Variants in POU2F3 observed in about 807,000 individuals in gnomAD.
POU2F3 encodes the protein POU class 2 homeobox 3, also known as POU domain, class 2, transcription factor 3.
A neutral mutation model predicts 59.2 loss-of-function variants in POU2F3; 23 were observed. That is an observed-to-expected ratio of 0.39 (90% CI 0.28 to 0.55). POU2F3 has a LOEUF of 0.55. Among genes scored for constraint, POU2F3 ranks in the 20% least tolerant of loss-of-function variants. The pLI is 0.66. For missense variants in POU2F3, 473 were observed against 544.5 expected, an observed-to-expected ratio of 0.87 and a Z score of 1.31; for synonymous variants, 190 against 214.6, an observed-to-expected ratio of 0.89 and a Z score of 1.00.
At chr11:120,297,342 T>A (rs1246229048) in intron 3 of POU2F3, among the ~76,000 whole-genome samples, 1 of 152,052 alleles carries the variant, frequency 6.6e-6, no homozygotes, top group Non-Finnish European at 1.5e-5. Flanking sequence ...CATTGCAGGG[T>A]GGTGGAGACT....
intron 3 of POU2F3, among the ~76,000 whole-genome samples, chr11:120,289,444 A>G (rs568913065): frequency 6.6e-6 from 1 of 152,172 alleles, no homozygotes; most frequent in African/African-American, 2.4e-5. Flanking sequence ...TAACTGAACT[A>G]AAACTAAAAT....
chr11:120,236,845 G>A (rs181800093), upstream of POU2F3: 117 of 777,438 alleles, frequency 1.5e-4, no homozygotes, highest in East Asian at 1.5e-3. Context: ...GGGCACCCCA[G>A]CCTTCTAAGC....
chr11:120,279,191 C>A (rs899812670), intron 3 of POU2F3, among the ~76,000 whole-genome samples: 5 of 151,806 alleles, frequency 3.3e-5, no homozygotes, highest in African/African-American at 4.8e-5. Context: ...GTTCTCCCCC[C>A]ACCACTGCCT....
At chr11:120,251,193 T>G (rs1425537810) in intron 2 of POU2F3, among the ~76,000 whole-genome samples, 1 of 152,214 alleles carries the variant, frequency 6.6e-6, no homozygotes, top group Non-Finnish European at 1.5e-5. Context: ...AAGCTGGTCT[T>G]GAACTCCTGG....
At chr11:120,299,814 G>A (rs779801011) in intron 5 of POU2F3, 88 bp downstream of exon 5, 19 of 1,122,476 alleles carry the variant, frequency 1.7e-5, no homozygotes, top group Non-Finnish European at 2.4e-5. Context: ...GGGCCTAATT[G>A]GAGAGCATGC....
chr11:120,310,404 GA>G (rs1941622484), intron 10 of POU2F3, among the ~76,000 whole-genome samples: 1 of 152,206 alleles, frequency 6.6e-6, no homozygotes, highest in African/African-American at 2.4e-5. Flanking sequence ...AAAAAACTAA[GA>G]ATTTGGGGCT....
chr11:120,276,217 C>A (rs890388620), intron 3 of POU2F3, among the ~76,000 whole-genome samples: 2 of 152,102 alleles, frequency 1.3e-5, no homozygotes, highest in African/African-American at 4.8e-5. Context: ...ATGAATAGGC[C>A]ATGTTGGATT....
Position 120,315,349 on chromosome 11 carries a change from G to C in POU2F3, c.1069-12G>C, listed in dbSNP as rs746047792. ...CAGAAATGGACATTTACAAGCTTCT[G>C]TTGTTTTTCAGGTATCTCCCTCAGG... is the stretch of plus-strand genomic sequence containing the variant. On this transcript the variant is annotated splice_polypyrimidine_tract_variant and intron_variant, in intron 10 of 12. Transcript: ENST00000543440. 4.1e-5 allele frequency: 66 copies of C among 1,608,568 alleles called. No homozygotes were observed. The South Asian group carries it at 6.9e-4, about 17-fold the overall frequency.
At chr11:120,301,365 AG>A (rs1941342959) in intron 5 of POU2F3, 1 of 239,676 alleles carries the variant, frequency 4.2e-6, no homozygotes, top group African/African-American at 2.3e-5. Flanking sequence ...CTCAACTCCC[AG>A]TTCTGGATTC....
At chr11:120,284,806 TCA>T (rs142339811) in intron 3 of POU2F3, among the ~76,000 whole-genome samples, 7,892 of 152,280 alleles carry the variant, frequency 0.052, 283 homozygotes, top group Middle Eastern at 0.082. Context: ...AGTGTGAAAC[TCA>T]CAGACTTTTA....
chr11:120,265,988 G>C (rs1939812864), intron 2 of POU2F3: 1 of 151,964 alleles, frequency 6.6e-6, no homozygotes, highest in South Asian at 2.1e-4. Context: ...GACCTCACTG[G>C]GTCCTGCGGC....
intron 2 of POU2F3, among the ~76,000 whole-genome samples, chr11:120,260,022 G>A (rs369439423): frequency 1.2e-4 from 18 of 152,234 alleles, no homozygotes; most frequent in African/African-American, 4.3e-4. Context: ...GCTCTCCCAG[G>A]AAATGCCAGC....
chr11:120,262,173 C>T (rs1939624407), intron 2 of POU2F3, among the ~76,000 whole-genome samples: 1 of 152,144 alleles, frequency 6.6e-6, no homozygotes, highest in Non-Finnish European at 1.5e-5. Flanking sequence ...CCTCAATGAA[C>T]CTTTTCAACT....
At chr11:120,305,237 A>C in intron 7 of POU2F3, 25 bp downstream of exon 7, 1 of 1,606,740 alleles carries the variant, frequency 6.2e-7, no homozygotes, top group Non-Finnish European at 8.5e-7. Context: ...GAAAAGATAG[A>C]AGAAGTCTAG....
At chr11:120,272,115 C>A (rs983990389) in intron 3 of POU2F3, among the ~76,000 whole-genome samples, 1 of 152,154 alleles carries the variant, frequency 6.6e-6, no homozygotes, top group African/African-American at 2.4e-5. Flanking sequence ...CGGGGCAAGG[C>A]GCTTCTGGCA....
chr11:120,290,718 AG>A, intron 3 of POU2F3, among the ~76,000 whole-genome samples: 1 of 152,370 alleles, frequency 6.6e-6, no homozygotes, highest in South Asian at 2.1e-4. Flanking sequence ...TCATCTCTAC[AG>A]TGCTTTAAAA....
At chr11:120,298,848 G>A (rs1396697738) in intron 4 of POU2F3, among the ~76,000 whole-genome samples, 3 of 152,304 alleles carry the variant, frequency 2.0e-5, no homozygotes, top group African/African-American at 2.4e-5. Flanking sequence ...TTCACATGAC[G>A]AGACCTCTTC....
intron 2 of POU2F3, among the ~76,000 whole-genome samples, chr11:120,247,211 A>C (rs1368926979): frequency 1.3e-5 from 2 of 152,218 alleles, no homozygotes; most frequent in Non-Finnish European, 2.9e-5. Context: ...AAAAGAACTT[A>C]AAGATGAGTA....
At chr11:120,307,714 A>C in intron 9 of POU2F3, 99 bp downstream of exon 9, 4 of 1,461,126 alleles carry the variant, frequency 2.7e-6, no homozygotes, top group Non-Finnish European at 3.7e-6. Context: ...TCCGCACCTC[A>C]CACCTGCTCT....
Sources: allele counts gnomAD v4.1 joint callset (sites outside exome capture counted in the v4.1 genomes callset), GRCh38; gene constraint gnomAD v4.1.1; transcripts MANE v1.5; gene names NCBI Gene and HGNC (gene_info 2026-07-23, HGNC 2026-07-21).